The following SORBS2 variants were observed in gnomAD, a reference collection of about 807,000 sequenced individuals.
SORBS2 encodes sorbin and SH3 domain-containing protein 2.
A neutral mutation model predicts 97.7 loss-of-function variants in SORBS2; 46 were observed. The ratio of observed to expected loss-of-function variants is 0.47; its 90% CI spans 0.37 to 0.60. The LOEUF is 0.60. Ranked by LOEUF, SORBS2 falls within the 20% of genes least tolerant of loss-of-function variation. SORBS2 has a pLI of 0.00. For synonymous variants in SORBS2, 476 were observed against 473.4 expected (o/e 1.01, Z -0.07); for missense variants, 1,316 against 1,282.3 (o/e 1.03, Z -0.40).
chr4:185,874,640 A>G (rs2099232314), intron 1 of SORBS2, among the ~76,000 whole-genome samples: 1 of 152,144 alleles, frequency 6.6e-6, no homozygotes, highest in Admixed American at 6.5e-5. Context: ...TCCATTCTCT[A>G]CTGATACTTT....
At chr4:185,815,973 A>T (rs1304357143) in intron 1 of SORBS2, among the ~76,000 whole-genome samples, 1 of 152,258 alleles carries the variant, frequency 6.6e-6, no homozygotes, top group Non-Finnish European at 1.5e-5. Flanking sequence ...GTTGATGAAG[A>T]CATAACTATT....
chr4:185,657,021 C>T (rs2097418539), upstream of SORBS2: 4 of 757,852 alleles, frequency 5.3e-6, no homozygotes, highest in African/African-American at 1.9e-5. Context: ...AAAACGAACA[C>T]ATCACTGCTT....
intron 1 of SORBS2, among the ~76,000 whole-genome samples, chr4:185,857,414 T>C (rs1304207700): frequency 6.6e-6 from 1 of 152,204 alleles, no homozygotes; most frequent in African/African-American, 2.4e-5. Flanking sequence ...GACCCTGTGA[T>C]GATTGTGTTA....
At chr4:185,874,583 G>T (rs1339753235) in intron 1 of SORBS2, among the ~76,000 whole-genome samples, 3 of 152,146 alleles carry the variant, frequency 2.0e-5, no homozygotes, top group Non-Finnish European at 4.4e-5. Flanking sequence ...AAGCTAAGAA[G>T]CAGCTTTAGG....
At chr4:185,629,922 G>C (rs750355207) in intron 5 of SORBS2, among the ~76,000 whole-genome samples, 1 of 152,108 alleles carries the variant, frequency 6.6e-6, no homozygotes, top group African/African-American at 2.4e-5. Flanking sequence ...TACTTCAGGC[G>C]AACTCTGAGG....
At chr4:185,618,624 G>C in exon 9 of SORBS2, 1 of 1,534,654 alleles carries the variant, frequency 6.5e-7, no homozygotes, top group Non-Finnish European at 8.9e-7. Flanking sequence ...AGCTTTTGCA[G>C]GCAATTTCTG....
At chr4:185,927,183 TATA>T (rs1288667321) in intron 1 of SORBS2, among the ~76,000 whole-genome samples, 1 of 149,056 alleles carries the variant, frequency 6.7e-6, no homozygotes, top group Non-Finnish European at 1.5e-5. Context: ...ACATATTATA[TATA>T]ATATTATACA....
At chr4:185,917,609 G>T (rs1399034362) in intron 1 of SORBS2, among the ~76,000 whole-genome samples, 1 of 152,138 alleles carries the variant, frequency 6.6e-6, no homozygotes, top group African/African-American at 2.4e-5. Context: ...ACCTAAGAAG[G>T]GGGACATGGG....
At chr4:185,892,076 G>T (rs1327902247) in intron 1 of SORBS2, among the ~76,000 whole-genome samples, 1 of 152,030 alleles carries the variant, frequency 6.6e-6, no homozygotes, top group Admixed American at 6.6e-5. Flanking sequence ...CTCGTGATCC[G>T]CCTGCCTCGG....
At chr4:185,714,029 C>T (rs1024901041) in intron 2 of SORBS2, among the ~76,000 whole-genome samples, 16 of 152,184 alleles carry the variant, frequency 1.1e-4, no homozygotes, top group African/African-American at 3.4e-4. Context: ...AACAGCTACC[C>T]ACCTATCCTT....
At chr4:185,803,835 T>C (rs964716578) in intron 1 of SORBS2, among the ~76,000 whole-genome samples, 3 of 152,184 alleles carry the variant, frequency 2.0e-5, no homozygotes, top group Non-Finnish European at 4.4e-5. Context: ...CAGGATATAT[T>C]ATCAGTCATC....
At chr4:185,631,728 C>A (rs1191516559) in intron 4 of SORBS2, among the ~76,000 whole-genome samples, 1 of 152,076 alleles carries the variant, frequency 6.6e-6, no homozygotes, top group Admixed American at 6.6e-5. Flanking sequence ...CGCCACTGCA[C>A]TCCAGCCTGG....
At chr4:185,749,641 G>A (rs1407542083) in intron 2 of SORBS2, among the ~76,000 whole-genome samples, 2 of 152,194 alleles carry the variant, frequency 1.3e-5, no homozygotes, top group African/African-American at 4.8e-5. Context: ...AAACAGTAAA[G>A]ATACATTAGT....
exon 1 of SORBS2, chr4:185,656,715 C>T: frequency 6.5e-7 from 1 of 1,547,090 alleles, no homozygotes. Context: ...TGCTGCCTGC[C>T]CAGGCTCTCA....
At chr4:185,740,969 G>A (rs1048424071) in intron 2 of SORBS2, among the ~76,000 whole-genome samples, 6 of 151,488 alleles carry the variant, frequency 4.0e-5, no homozygotes, top group African/African-American at 1.5e-4. Flanking sequence ...ACTCAGATCA[G>A]CACGAACTCA....
At chr4:185,690,661 TATC>T (rs1328599417) in intron 2 of SORBS2, 50 bp from the exon 4 acceptor site, 13 of 785,580 alleles carry the variant, frequency 1.7e-5, no homozygotes, top group Non-Finnish European at 2.2e-5. Flanking sequence ...TGGAAGAAAA[TATC>T]ATGAAAGTGT....
intron 2 of SORBS2, among the ~76,000 whole-genome samples, chr4:185,769,353 G>A (rs1203354678): frequency 6.6e-6 from 1 of 152,124 alleles, no homozygotes; most frequent in Non-Finnish European, 1.5e-5. Flanking sequence ...AGAAAGCAAA[G>A]GCATCAATAT....
At chr4:185,827,267 C>CCATCATCAT (rs1585258201) in intron 1 of SORBS2, among the ~76,000 whole-genome samples, 5 of 27,506 alleles carry the variant, frequency 1.8e-4, no homozygotes, top group East Asian at 1.0e-3. Flanking sequence ...ACCATCATCA[C>CCATCATCAT]CATCATCACC....
chr4:185,626,744 T>C, intron 6 of SORBS2, 88 bp downstream of exon 18: 1 of 1,212,380 alleles, frequency 8.2e-7, no homozygotes, highest in Non-Finnish European at 1.2e-6. Flanking sequence ...AGCTGGCACA[T>C]GCCACTATCA....
Sources: allele counts gnomAD v4.1 joint callset (sites outside exome capture counted in the v4.1 genomes callset), GRCh38; gene constraint gnomAD v4.1.1; transcripts MANE v1.5; gene names NCBI Gene and HGNC (gene_info 2026-07-23, HGNC 2026-07-21).